ST6GAL1: variants seen among roughly 807,000 people sequenced by gnomAD.
The protein encoded by ST6GAL1 is beta-galactoside alpha-2,6-sialyltransferase 1.
A neutral mutation model predicts 38.0 loss-of-function variants in ST6GAL1; 20 were observed. The observed-to-expected ratio is 0.53, with a 90% CI of 0.37 to 0.77. ST6GAL1 has a LOEUF of 0.77. Among genes scored for constraint, ST6GAL1 ranks in the 30% least tolerant of loss-of-function variants. The probability of loss-of-function intolerance (pLI) is 0.00; values close to 1 mark genes in which losing one functional copy is unlikely to be tolerated. For synonymous variants in ST6GAL1, 196 were observed against 188.2 expected, an observed-to-expected ratio of 1.04 and a Z score of -0.34; for missense variants, 432 against 496.4, an observed-to-expected ratio of 0.87 and a Z score of 1.23.
intron 1 of ST6GAL1, among the ~76,000 whole-genome samples, chr3:186,945,400 T>G (rs1334035438): frequency 6.6e-6 from 1 of 152,028 alleles, no homozygotes; most frequent in Non-Finnish European, 1.5e-5. Context: ...TGCAAGTATG[T>G]CAGGCAGACA....
intron 2 of ST6GAL1, among the ~76,000 whole-genome samples, chr3:187,009,858 AGC>A (rs918202395): frequency 2.7e-4 from 41 of 151,990 alleles, no homozygotes; most frequent in Admixed American, 2.6e-3. Flanking sequence ...TACAATAATT[AGC>A]CAGGCGTGGT....
intron 2 of ST6GAL1, among the ~76,000 whole-genome samples, chr3:187,028,035 ACTCT>A: frequency 6.6e-6 from 1 of 151,532 alleles, no homozygotes; most frequent in African/African-American, 2.4e-5. Flanking sequence ...GGTCCTTGTG[ACTCT>A]GACAAGATCA....
At chr3:187,053,710 T>C (rs886983367) in intron 5 of ST6GAL1, among the ~76,000 whole-genome samples, 2 of 152,120 alleles carry the variant, frequency 1.3e-5, no homozygotes, top group Admixed American at 1.3e-4. Context: ...AGCCTTATAG[T>C]ATAGTTTGAA....
At chr3:186,986,124 C>T (rs150829040) in intron 2 of ST6GAL1, among the ~76,000 whole-genome samples, 8 of 152,198 alleles carry the variant, frequency 5.3e-5, no homozygotes, top group East Asian at 3.9e-4. Flanking sequence ...CAAGAGACCC[C>T]GCCATAAGGA....
chr3:187,033,489 A>G (rs1717825314), intron 2 of ST6GAL1, among the ~76,000 whole-genome samples: 1 of 152,264 alleles, frequency 6.6e-6, no homozygotes, highest in Non-Finnish European at 1.5e-5. Flanking sequence ...ATGGTATTCA[A>G]GTCTCAACCA....
At chr3:186,934,814 T>C (rs1713886027) in intron 1 of ST6GAL1, among the ~76,000 whole-genome samples, 1 of 151,904 alleles carries the variant, frequency 6.6e-6, no homozygotes, top group Non-Finnish European at 1.5e-5. Context: ...TCACCCAGGC[T>C]GGAGTGCAGT....
chr3:187,024,988 C>CGT (rs144330370), intron 2 of ST6GAL1: 12,045 of 145,546 alleles, frequency 0.083, 625 homozygotes, highest in African/African-American at 0.14. Flanking sequence ...GAACCTGGTG[C>CGT]GTGTGTGTGT....
chr3:186,997,562 C>G (rs774560879), intron 2 of ST6GAL1, among the ~76,000 whole-genome samples: 16 of 151,954 alleles, frequency 1.1e-4, no homozygotes, highest in Non-Finnish European at 8.8e-5. Context: ...TTGAGCCCAG[C>G]CTGGGCAACA....
intron 2 of ST6GAL1, among the ~76,000 whole-genome samples, chr3:187,017,604 C>T (rs985890180): frequency 5.3e-5 from 8 of 152,126 alleles, no homozygotes; most frequent in Admixed American, 2.0e-4. Flanking sequence ...TGGCCTTGGA[C>T]GGGTTCTAGC....
At chr3:186,981,159 TTGGACA>T (rs1420945278) in intron 2 of ST6GAL1, among the ~76,000 whole-genome samples, 3 of 152,228 alleles carry the variant, frequency 2.0e-5, no homozygotes, top group Non-Finnish European at 1.5e-5. Flanking sequence ...CATGTGTGAA[TTGGACA>T]GCACTCAGAA....
chr3:187,051,512 C>T (rs1718513677), intron 5 of ST6GAL1, 166 bp downstream of exon 5: 2 of 614,238 alleles, frequency 3.3e-6, no homozygotes, highest in Non-Finnish European at 5.7e-6. Flanking sequence ...CATGACCCAA[C>T]CTGATGATGT....
intron 6 of ST6GAL1, chr3:187,073,360 C>T: frequency 6.0e-6 from 1 of 167,404 alleles, no homozygotes; most frequent in Non-Finnish European, 1.3e-5. Context: ...ACTCTCATAA[C>T]AATTTAAGGA....
chr3:186,988,716 C>G (rs1449631135), intron 2 of ST6GAL1, among the ~76,000 whole-genome samples: 1 of 152,044 alleles, frequency 6.6e-6, no homozygotes, highest in African/African-American at 2.4e-5. Flanking sequence ...AAGTTCGAGA[C>G]CAGCCTGGGC....
At chr3:187,005,362 A>G (rs13098740) in intron 2 of ST6GAL1, among the ~76,000 whole-genome samples, 62,256 of 143,168 alleles carry the variant, frequency 0.43, 13,580 homozygotes, top group African/African-American at 0.56. Context: ...TGCAAGCTCC[A>G]CCTCCCGGGT....
intron 2 of ST6GAL1, chr3:187,022,021 C>T (rs2108565438): frequency 6.6e-6 from 1 of 152,264 alleles, no homozygotes; most frequent in South Asian, 2.1e-4. Flanking sequence ...AGGGTGTTTC[C>T]CTGAGTTCTG....
At chr3:187,023,801 G>T (rs960477259) in intron 2 of ST6GAL1, among the ~76,000 whole-genome samples, 1 of 151,776 alleles carries the variant, frequency 6.6e-6, no homozygotes, top group Non-Finnish European at 1.5e-5. Context: ...GAGTTAATGG[G>T]TGCAGCACAC....
chr3:187,066,850 C>A (rs1990676), intron 5 of ST6GAL1, among the ~76,000 whole-genome samples: 16,326 of 151,960 alleles, frequency 0.11, 1,010 homozygotes, highest in South Asian at 0.2. Context: ...AGGTCACACT[C>A]CCCCTGCAGG....
intron 2 of ST6GAL1, among the ~76,000 whole-genome samples, chr3:187,004,818 CT>C (rs1301089002): frequency 6.6e-6 from 1 of 152,216 alleles, no homozygotes; most frequent in Non-Finnish European, 1.5e-5. Flanking sequence ...ATTGAAAATA[CT>C]TCAAGATGAT....
At chr3:186,976,950 A>G (rs1715540307) in intron 2 of ST6GAL1, among the ~76,000 whole-genome samples, 1 of 152,210 alleles carries the variant, frequency 6.6e-6, no homozygotes, top group Non-Finnish European at 1.5e-5. Flanking sequence ...CCATATGAAT[A>G]AAGGACACAA....
Sources: allele counts gnomAD v4.1 joint callset (sites outside exome capture counted in the v4.1 genomes callset), GRCh38; gene constraint gnomAD v4.1.1; transcripts MANE v1.5; gene names NCBI Gene and HGNC (gene_info 2026-07-23, HGNC 2026-07-21).